The following DTWD2 variants were observed in gnomAD, a reference collection of about 807,000 sequenced individuals.
DTWD2 encodes the protein tRNA-uridine aminocarboxypropyltransferase 2.
A neutral mutation model predicts 31.8 loss-of-function variants in DTWD2; 39 were observed. The ratio of observed to expected loss-of-function variants is 1.22; its 90% CI spans 0.95 to 1.60. The LOEUF (loss-of-function observed/expected upper bound fraction) is 1.60, where lower values mean the gene tolerates loss of function less well. DTWD2 is among the 40% of genes most tolerant of loss of function. The pLI is 0.00. For missense variants in DTWD2, 515 were observed against 381.5 expected, an observed-to-expected ratio of 1.35 and a Z score of -2.92; for synonymous variants, 180 against 142.8, an observed-to-expected ratio of 1.26 and a Z score of -1.86.
intron 1 of DTWD2, among the ~76,000 whole-genome samples, chr5:118,949,995 G>A (rs1754424508): frequency 6.6e-6 from 1 of 152,112 alleles, no homozygotes; most frequent in South Asian, 2.1e-4. Flanking sequence ...CAGATCACGA[G>A]GTCAGGAGAT....
chr5:118,969,460 G>A (rs1754932275), intron 1 of DTWD2, among the ~76,000 whole-genome samples: 1 of 152,196 alleles, frequency 6.6e-6, no homozygotes, highest in Non-Finnish European at 1.5e-5. Context: ...CTGGGACAAA[G>A]CTCCGAGAAG....
At chr5:118,856,866 G>A (rs1485053331) in intron 4 of DTWD2, among the ~76,000 whole-genome samples, 1 of 138,258 alleles carries the variant, frequency 7.2e-6, no homozygotes, top group Non-Finnish European at 1.5e-5. Flanking sequence ...TCTGCCTCCT[G>A]GGCTCAAGGG....
At chr5:118,918,647 T>G (rs1674846016) in intron 4 of DTWD2, among the ~76,000 whole-genome samples, 1 of 152,050 alleles carries the variant, frequency 6.6e-6, no homozygotes, top group Non-Finnish European at 1.5e-5. Flanking sequence ...AGCCCAACTT[T>G]ATTGCAACTG....
chr5:118,909,127 C>G (rs1014335684), intron 4 of DTWD2, among the ~76,000 whole-genome samples: 7 of 152,196 alleles, frequency 4.6e-5, no homozygotes, highest in African/African-American at 1.7e-4. Flanking sequence ...CAGTTATACT[C>G]CACCCAGATC....
chr5:118,889,579 C>A (rs1752937023), intron 4 of DTWD2, among the ~76,000 whole-genome samples: 1 of 151,954 alleles, frequency 6.6e-6, no homozygotes, highest in African/African-American at 2.4e-5. Flanking sequence ...GAAAAATAAA[C>A]AAGAGTCTTG....
chr5:118,918,173 T>G (rs1009643251), intron 4 of DTWD2, among the ~76,000 whole-genome samples: 2 of 152,170 alleles, frequency 1.3e-5, no homozygotes, highest in East Asian at 3.9e-4. Flanking sequence ...AGCAGAGAAG[T>G]CAGAAGCCTA....
At chr5:118,884,940 G>A (rs561896227) in intron 4 of DTWD2, among the ~76,000 whole-genome samples, 4 of 143,464 alleles carry the variant, frequency 2.8e-5, no homozygotes, top group Non-Finnish European at 6.0e-5. Flanking sequence ...AGCTTGCAGT[G>A]AGCCGAGACT....
chr5:118,893,577 A>T (rs965052808), intron 4 of DTWD2, among the ~76,000 whole-genome samples: 9 of 152,052 alleles, frequency 5.9e-5, no homozygotes, highest in African/African-American at 2.2e-4. Flanking sequence ...ATTTTTGTAG[A>T]TGTGATCAAA....
rs150006136 is a variant in DTWD2 at position 118,853,771 on chromosome 5, G to C, written c.598-5553C>G. On this transcript the variant is annotated intron_variant, in intron 4 of 5. Transcript: ENST00000510708. ...GGCAAGGATTGAAAAACTACGTATTGGGTACTATGCTCACTACTTAGGTGA... is the reference window on the plus strand; with the variant it reads ...GGCAAGGATTGAAAAACTACGTATTCGGTACTATGCTCACTACTTAGGTGA... 3.0e-3 allele frequency among the ~76,000 whole-genome samples: 460 copies of C among 152,206 alleles called. 2 individuals are homozygous for C. Among genetic ancestry groups the C allele is most frequent in the African/African-American group, 0.011 (440 of 41,538 alleles).
chr5:118,930,240 T>G (rs1461917781), intron 3 of DTWD2, among the ~76,000 whole-genome samples: 1 of 152,200 alleles, frequency 6.6e-6, no homozygotes, highest in Non-Finnish European at 1.5e-5. Flanking sequence ...TAGAGTTAGT[T>G]GATTCAACAT....
At chr5:118,924,136 G>A (rs1440463511) in intron 4 of DTWD2, among the ~76,000 whole-genome samples, 1 of 152,188 alleles carries the variant, frequency 6.6e-6, no homozygotes, top group Non-Finnish European at 1.5e-5. Context: ...GACAGGGGCA[G>A]TGAACTCCTC....
chr5:118,980,874 G>A (rs1418791406), intron 1 of DTWD2, among the ~76,000 whole-genome samples: 1 of 152,032 alleles, frequency 6.6e-6, no homozygotes, highest in African/African-American at 2.4e-5. Flanking sequence ...CTGAGAGTAG[G>A]AACTAGAACA....
At chr5:118,959,206 T>A (rs1754655577) in intron 1 of DTWD2, among the ~76,000 whole-genome samples, 1 of 152,138 alleles carries the variant, frequency 6.6e-6, no homozygotes, top group Non-Finnish European at 1.5e-5. Context: ...AACCCCATAG[T>A]CTGCCCAAAA....
At chr5:118,869,515 G>C (rs1752455839) in intron 4 of DTWD2, among the ~76,000 whole-genome samples, 1 of 152,038 alleles carries the variant, frequency 6.6e-6, no homozygotes, top group Non-Finnish European at 1.5e-5. Context: ...AAGCTTCAAG[G>C]AACAGAGAAA....
chr5:118,913,068 T>C (rs770266066), intron 4 of DTWD2, among the ~76,000 whole-genome samples: 12 of 152,190 alleles, frequency 7.9e-5, no homozygotes, highest in Non-Finnish European at 1.3e-4. Context: ...CGTTCCATTA[T>C]TGGGATGCTA....
chr5:118,879,132 A>G (rs7712719), intron 4 of DTWD2, among the ~76,000 whole-genome samples: 3,377 of 152,292 alleles, frequency 0.022, 128 homozygotes, highest in African/African-American at 0.077. Context: ...AGGTCCCATT[A>G]CTGGCTATAT....
intron 4 of DTWD2, among the ~76,000 whole-genome samples, chr5:118,852,280 T>G (rs906229002): frequency 6.6e-6 from 1 of 152,200 alleles, no homozygotes; most frequent in Non-Finnish European, 1.5e-5. Context: ...TGTTTTACAA[T>G]CAATTTGTAC....
rs137954983 is a variant in DTWD2 at position 118,882,422 on chromosome 5, C to T, written c.598-34204G>A. Reference sequence around the variant, plus strand: ...TGTCAGTGGATCTACATTCTGGGGTCTTGAGGACAGTGGCCCTCTTTTCAG... The same window carrying T: ...TGTCAGTGGATCTACATTCTGGGGTTTTGAGGACAGTGGCCCTCTTTTCAG... On this transcript the variant is annotated intron_variant, in intron 4 of 5. Transcript: ENST00000510708. Among the ~76,000 whole-genome samples the T allele has an allele frequency of 2.0e-3, 305 of 152,314 alleles. 1 individual carries two copies. Among genetic ancestry groups the T allele is most frequent in the Non-Finnish European group, 2.8e-3 (193 of 68,020 alleles).
chr5:118,954,256 G>A (rs1364719564), intron 1 of DTWD2, among the ~76,000 whole-genome samples: 1 of 152,152 alleles, frequency 6.6e-6, no homozygotes, highest in Non-Finnish European at 1.5e-5. Context: ...GGGCAACAGA[G>A]AGAGAAAAAC....
Sources: allele counts gnomAD v4.1 joint callset (sites outside exome capture counted in the v4.1 genomes callset), GRCh38; gene constraint gnomAD v4.1.1; transcripts MANE v1.5; gene names NCBI Gene and HGNC (gene_info 2026-07-23, HGNC 2026-07-21).